TAAR8: variants seen among roughly 807,000 people sequenced by gnomAD.
TAAR8 encodes the protein trace amine associated receptor 8.
For synonymous variants in TAAR8, 157 were observed against 152.7 expected (o/e 1.03, Z -0.21); for missense variants, 459 against 405.8 (o/e 1.13, Z -1.13).
chr6:132,553,724 T>C (rs1164078681), downstream of TAAR8: 1 of 1,494,380 alleles, frequency 6.7e-7, no homozygotes, highest in African/African-American at 1.4e-5. Context: ...TAGAATAAGT[T>C]TAAGCACTAA....
chr6:132,553,416 G>C, exon 1 of TAAR8: 2 of 1,614,136 alleles, frequency 1.2e-6, no homozygotes, highest in Non-Finnish European at 1.7e-6. Context: ...ATCATCCTCA[G>C]AGAGTTATAA....
exon 1 of TAAR8, chr6:132,552,781 C>T: frequency 6.2e-7 from 1 of 1,614,128 alleles, no homozygotes; most frequent in Non-Finnish European, 8.5e-7. Flanking sequence ...TCTCCTGGGT[C>T]CCGGGTAATT....
rs752129746 is a variant in TAAR8 at position 132,553,375 on chromosome 6, T to TA, written c.688dup (p.Ile230AsnfsTer2). ...TTTCTTATAGCTAAACAACAAGCTA[T>TA]AAAAATTGAAACTACTAGTAGCAAA... On this transcript the variant is annotated frameshift_variant, in exon 1 of 1. Coordinates refer to ENST00000275200, the Ensembl canonical transcript of TAAR8. LOFTEE classifies it low-confidence loss of function (END_TRUNC). 6.2e-7 allele frequency: 1 copy of TA among 1,614,112 alleles called. No homozygotes were observed. The highest frequency in any genetic ancestry group is 1.1e-5 in the South Asian group (1 of 91,072).
chr6:132,553,420 G>C (rs995558979), exon 1 of TAAR8: 1 of 1,614,046 alleles, frequency 6.2e-7, no homozygotes, highest in Non-Finnish European at 8.5e-7. Flanking sequence ...TCCTCAGAGA[G>C]TTATAAAATC....
exon 1 of TAAR8, chr6:132,553,720 A>G (rs199940160): frequency 2.2e-4 from 334 of 1,511,954 alleles, no homozygotes; most frequent in Admixed American, 3.3e-4. Flanking sequence ...TTTTTAGAAT[A>G]AGTTTAAGCA....
At position 132,553,111 on chromosome 6, in the gene TAAR8, C is replaced by T. The variant is rs761634033; in HGVS notation, c.419C>T (p.Ala140Val). The T allele has an allele frequency of 1.5e-5, 24 of 1,614,092 alleles. No individual in the cohort carries two copies. The South Asian group carries it at 2.3e-4, about 16-fold the overall frequency. The change falls in exon 1 of 1, where the codon GCT becomes GTT. Residue 140 changes from alanine to valine, a missense_variant. Transcript: ENST00000275200. ...GTGGTTACTGATCCCCTGGTCTATG[C>T]TACCAAGTTCACCGTGTCTGTGTCG...
rs765606124 is a variant in TAAR8 at position 132,553,269 on chromosome 6, G to C, written c.577G>C (p.Val193Leu). The C allele has an allele frequency of 6.8e-6, 11 of 1,614,162 alleles. No individual in the cohort carries two copies. The highest frequency in any genetic ancestry group is 1.6e-4 in the Middle Eastern group (1 of 6,062). ...CTGCGTAGGTGGCTGTCAAATTATT[G>C]TAAGTCAAGGCTGGGTGTTGATAGA... The change falls in exon 1 of 1, where the codon GTA (valine) becomes CTA (leucine). Residue 193 changes from valine to leucine, a missense_variant. Coordinates refer to ENST00000275200, the Ensembl canonical transcript of TAAR8.
Position 132,552,802 on chromosome 6 carries a change from C to T in TAAR8, c.110C>T (p.Ala37Val), listed in dbSNP as rs148349370. The T allele has an allele frequency of 8.6e-5, 139 of 1,614,118 alleles. No individual in the cohort carries two copies. The African/African-American group carries it at 1.5e-3, about 17-fold the overall frequency. The change falls in exon 1 of 1, where the codon GCG (alanine) becomes GTG (valine). Residue 37 changes from alanine (A) to valine (V), a missense_variant. Ala to Val is a moderately conservative substitution (Grantham distance 64). Transcript: ENST00000275200. ...GGGTCCCGGGTAATTCTGTACACGG[C>T]GTTTAGCTTTGGGTCTTTGCTGGCT...
At chr6:132,552,965 G>A (rs200975199) in exon 1 of TAAR8, 1 of 1,614,200 alleles carries the variant, frequency 6.2e-7, no homozygotes, top group East Asian at 2.2e-5. Flanking sequence ...GCATGGTCAG[G>A]ACGGTGGAGA....
exon 1 of TAAR8, chr6:132,552,704 T>A (rs748906104): frequency 6.9e-6 from 11 of 1,605,034 alleles, no homozygotes; most frequent in Non-Finnish European, 8.5e-6. Flanking sequence ...TGACCAGCAA[T>A]TTTTCCCAAC....
exon 1 of TAAR8, chr6:132,553,357 T>C (rs745320870): frequency 3.7e-6 from 6 of 1,613,932 alleles, no homozygotes; most frequent in African/African-American, 1.3e-5. Context: ...ATTTTTCTTA[T>C]AGCTAAACAA....
chr6:132,553,438 C>T (rs753609264), exon 1 of TAAR8: 3 of 1,613,890 alleles, frequency 1.9e-6, no homozygotes. Context: ...ATCAGAGTGG[C>T]CAAGAGAGAG....
exon 1 of TAAR8, chr6:132,553,701 A>G: frequency 1.3e-6 from 2 of 1,554,960 alleles, no homozygotes. Context: ...TTCATCAACC[A>G]TTAGTTTATT....
At chr6:132,552,735 G>A in exon 1 of TAAR8, 10 of 1,614,070 alleles carry the variant, frequency 6.2e-6, no homozygotes, top group Non-Finnish European at 7.6e-6. Context: ...GCTTTGCTAT[G>A]AGGATGTGAA....
exon 1 of TAAR8, chr6:132,552,778 G>T: frequency 6.2e-7 from 1 of 1,614,118 alleles, no homozygotes. Flanking sequence ...TATTCTCCTG[G>T]GTCCCGGGTA....
At position 132,553,101 on chromosome 6, in the gene TAAR8, C is replaced by G. The variant is rs746760369; in HGVS notation, c.409C>G (p.Leu137Val). 3.1e-6 allele frequency: 5 copies of G among 1,614,086 alleles called. No individual in the cohort carries two copies. The Admixed American group carries it at 8.3e-5, about 27-fold the overall frequency. Reference sequence around the variant, plus strand: ...CAGGTACATTGTGGTTACTGATCCCCTGGTCTATGCTACCAAGTTCACCGT... The same window carrying G: ...CAGGTACATTGTGGTTACTGATCCCGTGGTCTATGCTACCAAGTTCACCGT... Residue 137 changes from leucine to valine, a missense_variant, in exon 1 of 1, where the codon CTG (leucine) becomes GTG (valine). Physicochemically the swap from Leu to Val is conservative, Grantham distance 32. Coordinates refer to ENST00000275200, the Ensembl canonical transcript of TAAR8.
At chr6:132,553,321 T>G (rs1476562613) in exon 1 of TAAR8, 1 of 1,614,050 alleles carries the variant, frequency 6.2e-7, no homozygotes, top group Non-Finnish European at 8.5e-7. Context: ...ATACCTACCC[T>G]TGTTATGATA....
exon 1 of TAAR8, chr6:132,553,534 C>A (rs1021714066): frequency 6.2e-7 from 1 of 1,613,902 alleles, no homozygotes; most frequent in Non-Finnish European, 8.5e-7. Flanking sequence ...TTAATTGATG[C>A]CTTTATGGGC....
exon 1 of TAAR8, chr6:132,553,589 T>C (rs977717253): frequency 6.2e-7 from 1 of 1,614,144 alleles, no homozygotes; most frequent in Non-Finnish European, 8.5e-7. Context: ...GTTGGAGTGC[T>C]TATTATAACT....
Sources: gnomAD v4.1 joint callset for allele counts on GRCh38, gnomAD v4.1.1 for gene constraint, MANE v1.5 for transcripts, NCBI Gene and HGNC (gene_info 2026-07-23, HGNC 2026-07-21) for gene names.